KCNIP4: variants seen among roughly 807,000 people sequenced by gnomAD.
KCNIP4 encodes Kv channel-interacting protein 4.
KCNIP4 carries 12 observed loss-of-function variants against 34.0 expected under a neutral mutation model. The observed-to-expected ratio is 0.35, with a 90% CI of 0.23 to 0.57. The LOEUF is 0.57. Ranked by LOEUF, KCNIP4 falls within the 20% of genes least tolerant of loss-of-function variation. The probability of loss-of-function intolerance (pLI) is 0.83; values close to 1 mark genes in which losing one functional copy is unlikely to be tolerated. For synonymous variants in KCNIP4, 124 were observed against 102.2 expected (o/e 1.21, Z -1.29); for missense variants, 238 against 311.7 (o/e 0.76, Z 1.78).
At chr4:21,598,352 GAA>G (rs1386699172) in intron 1 of KCNIP4, among the ~76,000 whole-genome samples, 1 of 152,082 alleles carries the variant, frequency 6.6e-6, no homozygotes, top group African/African-American at 2.4e-5. Context: ...ATCAAGGTCA[GAA>G]AACTTTGTAA....
At chr4:21,669,043 C>A (rs1467099822) in intron 1 of KCNIP4, among the ~76,000 whole-genome samples, 2 of 152,132 alleles carry the variant, frequency 1.3e-5, no homozygotes, top group Admixed American at 6.6e-5. Flanking sequence ...TAAAGACAAT[C>A]AAGAGGAATA....
chr4:21,491,828 T>A (rs1732424981), intron 1 of KCNIP4, among the ~76,000 whole-genome samples: 1 of 152,186 alleles, frequency 6.6e-6, no homozygotes, highest in Admixed American at 6.5e-5. Flanking sequence ...CTAAATAACA[T>A]AATCATAATT....
chr4:21,396,557 A>AAAATAAAAAAAAT (rs1553875539), intron 1 of KCNIP4, among the ~76,000 whole-genome samples: 1 of 149,202 alleles, frequency 6.7e-6, no homozygotes, highest in Non-Finnish European at 1.5e-5. Flanking sequence ...TCCAAAAAAA[A>AAAATAAAAAAAAT]AAAAAAAAAA....
intron 1 of KCNIP4, among the ~76,000 whole-genome samples, chr4:21,047,325 T>TA (rs1225661399): frequency 6.6e-6 from 1 of 152,174 alleles, no homozygotes; most frequent in Non-Finnish European, 1.5e-5. Flanking sequence ...GCTTACCATA[T>TA]AATGATTGGT....
chr4:21,453,815 C>A (rs986137680), intron 1 of KCNIP4, among the ~76,000 whole-genome samples: 3 of 152,108 alleles, frequency 2.0e-5, no homozygotes, highest in Admixed American at 6.6e-5. Context: ...CACATTTTCT[C>A]TTTGCCAGGG....
Position 21,889,655 on chromosome 4 carries a change from G to A in KCNIP4, c.61+58916C>T, listed in dbSNP as rs2109399133. Reference sequence around the variant, plus strand: ...GTGAATACTAGAAACAACTACCCTAGGCAGATGGTTCAGAACATGTAAAGG... The same window carrying A: ...GTGAATACTAGAAACAACTACCCTAAGCAGATGGTTCAGAACATGTAAAGG... On this transcript the variant is annotated intron_variant, in intron 1 of 8. Transcript: ENST00000382152. Among the ~76,000 whole-genome samples, 2 of 152,168 alleles carry A rather than the reference G, an allele frequency of 1.3e-5. 1 individual carries two copies. The highest frequency in any genetic ancestry group is 4.1e-4 in the South Asian group (2 of 4,832).
chr4:21,926,133 C>T (rs1419287135), intron 1 of KCNIP4, among the ~76,000 whole-genome samples: 1 of 152,212 alleles, frequency 6.6e-6, no homozygotes, highest in Non-Finnish European at 1.5e-5. Flanking sequence ...GAGCTATATA[C>T]AGCCAATACT....
intron 1 of KCNIP4, among the ~76,000 whole-genome samples, chr4:21,295,449 A>C (rs1763782601): frequency 1.3e-5 from 2 of 152,134 alleles, no homozygotes; most frequent in Admixed American, 6.5e-5. Flanking sequence ...TAAGTTCTAA[A>C]GTCCTTATAA....
At position 21,849,029 on chromosome 4, in the gene KCNIP4, C is replaced by T. The variant is rs2109332858; in HGVS notation, c.61+99542G>A. 2.7e-5 allele frequency: 4 copies of T among 150,802 alleles called. No individual in the cohort carries two copies. The South Asian group carries it at 8.4e-4, about 32-fold the overall frequency. The allele number at this position is 150,802 out of a possible 1,614,324, so 9.3% of individuals were successfully genotyped here. On this transcript the variant is annotated intron_variant, in intron 1 of 8. Transcript: ENST00000382152. The stretch of plus-strand genomic sequence containing the variant: ...AATAGGTGATTGGCACATGCCAAAC[C>T]TTAGTTGTATTTTTACCATTTGTTG...
At chr4:21,265,609 TG>T (rs1401777778) in intron 1 of KCNIP4, among the ~76,000 whole-genome samples, 1 of 152,194 alleles carries the variant, frequency 6.6e-6, no homozygotes, top group Non-Finnish European at 1.5e-5. Context: ...AAGCCAATTT[TG>T]TTTTCAATGG....
intron 1 of KCNIP4, among the ~76,000 whole-genome samples, chr4:21,919,625 A>G (rs1390322570): frequency 6.6e-6 from 1 of 152,166 alleles, no homozygotes; most frequent in Non-Finnish European, 1.5e-5. Context: ...GTCTATCTAG[A>G]TAAATCATGG....
intron 1 of KCNIP4, among the ~76,000 whole-genome samples, chr4:21,564,501 C>A (rs1739690743): frequency 6.6e-6 from 1 of 152,120 alleles, no homozygotes; most frequent in African/African-American, 2.4e-5. Flanking sequence ...TCTTTACATT[C>A]AGTCTTCTGC....
rs1431258446 is a variant in KCNIP4 at position 21,271,689 on chromosome 4, G to A, written c.62-388980C>T. ...GTGCTTTGGGGCTACACTTCCAGAAGCTTGGGATCAATGGGAGAAATAAAA... is the reference window on the plus strand; with the variant it reads ...GTGCTTTGGGGCTACACTTCCAGAAACTTGGGATCAATGGGAGAAATAAAA... On this transcript the variant is annotated intron_variant, in intron 1 of 8. Coordinates refer to ENST00000382152, the MANE Select transcript of KCNIP4 (RefSeq NM_025221.6). Among the ~76,000 whole-genome samples the A allele has an allele frequency of 2.0e-5, 3 of 152,244 alleles. No individual in the cohort carries two copies. The East Asian group carries it at 5.8e-4, about 29-fold the overall frequency.
At chr4:21,338,264 C>CAAAAAAAAAAAAAA (rs869150288) in intron 1 of KCNIP4, among the ~76,000 whole-genome samples, 1 of 50,006 alleles carries the variant, frequency 2.0e-5, no homozygotes. Flanking sequence ...GACTCCTTCT[C>CAAAAAAAAAAAAAA]AAAAAAAAAA....
chr4:21,213,882 A>C (rs146598556), intron 1 of KCNIP4, among the ~76,000 whole-genome samples: 1 of 152,086 alleles, frequency 6.6e-6, no homozygotes, highest in Non-Finnish European at 1.5e-5. Flanking sequence ...TGCCTCAAAA[A>C]ATCCTTGATT....
intron 1 of KCNIP4, among the ~76,000 whole-genome samples, chr4:21,496,178 C>T (rs1732834166): frequency 1.3e-5 from 2 of 152,082 alleles, no homozygotes; most frequent in South Asian, 4.1e-4. Flanking sequence ...GCAGTTTATG[C>T]CTGTATCAGG....
At chr4:21,144,049 C>G (rs1752175366) in intron 1 of KCNIP4, among the ~76,000 whole-genome samples, 1 of 152,132 alleles carries the variant, frequency 6.6e-6, no homozygotes, top group Non-Finnish European at 1.5e-5. Context: ...TTTAACTCCC[C>G]TTGAGTGAGT....
chr4:21,251,912 A>G (rs942096392), intron 1 of KCNIP4, among the ~76,000 whole-genome samples: 1 of 151,598 alleles, frequency 6.6e-6, no homozygotes, highest in Non-Finnish European at 1.5e-5. Flanking sequence ...CCTAATGCTA[A>G]ATGACGAGTT....
rs550636596 is a variant in KCNIP4, at chr4:21,929,126, C to G, written c.61+19445G>C. 2.6e-5 allele frequency among the ~76,000 whole-genome samples: 4 copies of G among 152,096 alleles called. No homozygotes were observed. In the East Asian group the frequency reaches 7.8e-4, roughly 30 times the overall value. On this transcript the variant is annotated intron_variant, in intron 1 of 8. Coordinates refer to ENST00000382152, the MANE Select transcript of KCNIP4 (RefSeq NM_025221.6). ...TACACCATTTGTGTAAGTTTAAAAA[C>G]ATACACATAAAACATATTAAACACT...
Sources: allele counts gnomAD v4.1 joint callset (sites outside exome capture counted in the v4.1 genomes callset), GRCh38; gene constraint gnomAD v4.1.1; transcripts MANE v1.5; gene names NCBI Gene and HGNC (gene_info 2026-07-23, HGNC 2026-07-21).